PCDHGA12: variants seen among roughly 807,000 people sequenced by gnomAD.
PCDHGA12 encodes protocadherin gamma subfamily A, 12, also known as protocadherin gamma-A12.
A neutral mutation model predicts 61.1 loss-of-function variants in PCDHGA12; 43 were observed. That is an observed-to-expected ratio of 0.70 (90% CI 0.55 to 0.91). PCDHGA12 has a LOEUF of 0.91. Ranked by LOEUF, PCDHGA12 falls within the 40% of genes least tolerant of loss-of-function variation. The probability of loss-of-function intolerance (pLI) is 0.00; values close to 1 mark genes in which losing one functional copy is unlikely to be tolerated. For synonymous variants in PCDHGA12, 520 were observed against 542.9 expected (o/e 0.96, Z 0.59); for missense variants, 1,236 against 1,227.7 (o/e 1.01, Z -0.10).
In PCDHGA12 at chr5:141,511,330, T is replaced by C; in HGVS notation, c.*157T>C. 1 of 1,455,994 alleles carries C rather than the reference T, an allele frequency of 6.9e-7. No homozygotes were observed. The highest frequency in any genetic ancestry group is 9.1e-7 in the Non-Finnish European group (1 of 1,093,254). 90.2% of individuals were successfully genotyped at this position (1,455,994 alleles called of 1,614,324 possible). ...TTGGGAAACAGAAACAAGTGCCCAG[T>C]CAGCACCTACCCCTTCCCCCCCAGG... On this transcript the variant is annotated 3_prime_UTR_variant, in exon 4 of 4. Coordinates refer to ENST00000252085, the MANE Select transcript of PCDHGA12 (RefSeq NM_003735.3).
Position 141,430,613 on chromosome 5 carries a change from A to T in PCDHGA12, c.-147A>T. The T allele has an allele frequency of 1.5e-6, 1 of 679,628 alleles. No homozygotes were observed. Among genetic ancestry groups the T allele is most frequent in the Admixed American group, 3.0e-5 (1 of 33,164 alleles). The allele number at this position is 679,628 out of a possible 1,614,324, so 42.1% of individuals were successfully genotyped here. A position where few individuals can be genotyped will look rare whatever the true frequency, so the allele number is the denominator to read the frequency against. The stretch of plus-strand genomic sequence containing the variant: ...TGCACGCGCCTGAAGCACAAAGCAG[A>T]TAGCTAGGAATGAACCATCCCTGGG... On this transcript the variant is annotated 5_prime_UTR_variant, in exon 1 of 4. Transcript: ENST00000252085.
chr5:141,501,441 A>G (rs547792017), intron 2 of PCDHGA12, among the ~76,000 whole-genome samples: 1 of 151,898 alleles, frequency 6.6e-6, no homozygotes, highest in African/African-American at 2.4e-5. Context: ...CATTTCTTCC[A>G]TTTTTACTTT....
At position 141,485,939 on chromosome 5, in the gene PCDHGA12, C is replaced by A; in HGVS notation, c.2425-8868C>A. ...CAGGATTAGTGTGTTGGAGAGCGCA[C>A]CAGCGGGCATGGTGCTCATCCAGCT... On this transcript the variant is annotated intron_variant, in intron 1 of 3. Transcript: ENST00000252085. This position sits in a 1 kb window ranked among gnomAD's most constrained non-coding sequence, Gnocchi z 5.7. 1 of 1,614,140 alleles carries A rather than the reference C, an allele frequency of 6.2e-7. No homozygotes were observed. The highest frequency in any genetic ancestry group is 8.5e-7 in the Non-Finnish European group (1 of 1,180,030).
In PCDHGA12 at chr5:141,486,610, C is replaced by G; in HGVS notation, c.2425-8197C>G. 6.2e-7 allele frequency: 1 copy of G among 1,613,620 alleles called. No homozygotes were observed. The highest frequency in any genetic ancestry group is 8.5e-7 in the Non-Finnish European group (1 of 1,180,038). On this transcript the variant is annotated intron_variant, in intron 1 of 3. Coordinates refer to ENST00000252085, the MANE Select transcript of PCDHGA12 (RefSeq NM_003735.3). This position sits in a 1 kb window ranked among gnomAD's most constrained non-coding sequence, Gnocchi z 5.0. ...GGGACCTGCTTTGCTCCCTTGCAGC[C>G]TCTGACCCAGACTCTGGCTTGAATG...
chr5:141,472,335 A>T (rs1033984936), intron 1 of PCDHGA12, among the ~76,000 whole-genome samples: 38 of 151,784 alleles, frequency 2.5e-4, no homozygotes, highest in Non-Finnish European at 2.5e-4. Context: ...AGGTTGGGAG[A>T]TCGAGACCAT....
intron 1 of PCDHGA12, among the ~76,000 whole-genome samples, chr5:141,480,875 T>C (rs1285607270): frequency 6.6e-6 from 1 of 152,062 alleles, no homozygotes; most frequent in African/African-American, 2.4e-5. Context: ...TGAAACCCCG[T>C]CTCTACTAAA....
intron 1 of PCDHGA12, chr5:141,440,587 A>G (rs566819394): frequency 1.3e-5 from 2 of 152,392 alleles, no homozygotes; most frequent in East Asian, 3.9e-4. Flanking sequence ...CCCAGCTGGA[A>G]CAAGATTTGC....
chr5:141,509,864 A>G (rs2099878667), intron 3 of PCDHGA12, among the ~76,000 whole-genome samples: 1 of 152,262 alleles, frequency 6.6e-6, no homozygotes, highest in East Asian at 1.9e-4. Context: ...GATAAGGTCC[A>G]AGCTGCTGGT....
At chr5:141,458,058 C>T (rs997664641) in intron 1 of PCDHGA12, among the ~76,000 whole-genome samples, 3 of 152,196 alleles carry the variant, frequency 2.0e-5, no homozygotes, top group Non-Finnish European at 4.4e-5. Context: ...TCTTGCTGCA[C>T]TGATGCGAAC....
chr5:141,490,942 C>A lies in PCDHGA12; in HGVS notation c.2425-3865C>A, dbSNP rs371286343. On this transcript the variant is annotated intron_variant, in intron 1 of 3. Coordinates refer to ENST00000252085, the MANE Select transcript of PCDHGA12 (RefSeq NM_003735.3). This position sits in a 1 kb window ranked among gnomAD's most constrained non-coding sequence, Gnocchi z 5.4. ...TAATGCCCCAGCTGTGCTGCACCCA[C>A]GGCCAGACTGGGAACACTCAGCCCC... The A allele has an allele frequency of 3.0e-5, 49 of 1,613,526 alleles. No individual in the cohort carries two copies. The highest frequency in any genetic ancestry group is 4.1e-5 in the Non-Finnish European group (48 of 1,179,768).
In PCDHGA12 at chr5:141,433,199, A is replaced by G. The variant is rs2097574804; in HGVS notation, c.2424+16A>G. ...GTTAATTGAGGTGAGTTTATATCAA[A>G]TCTTCTTTCTTTTTTTTTTTTAATT... On this transcript the variant is annotated intron_variant, in intron 1 of 3. Transcript: ENST00000252085. 1 of 1,579,570 alleles carries G rather than the reference A, an allele frequency of 6.3e-7. No individual in the cohort carries two copies. Among genetic ancestry groups the G allele is most frequent in the Non-Finnish European group, 8.6e-7 (1 of 1,166,978 alleles).
At chr5:141,470,862 G>T (rs1363111218) in intron 1 of PCDHGA12, among the ~76,000 whole-genome samples, 1 of 151,596 alleles carries the variant, frequency 6.6e-6, no homozygotes, top group Non-Finnish European at 1.5e-5. Context: ...TAAGTTTTTT[G>T]TTTGTTTGTT....
intron 1 of PCDHGA12, chr5:141,484,865 G>A (rs1431313212): frequency 3.6e-6 from 1 of 278,548 alleles, no homozygotes; most frequent in Non-Finnish European, 6.7e-6. Flanking sequence ...GGGTGGGGGA[G>A]CGTGGAGGAT....
At chr5:141,435,383 G>C (rs1057246190) in intron 1 of PCDHGA12, among the ~76,000 whole-genome samples, 4 of 151,898 alleles carry the variant, frequency 2.6e-5, no homozygotes, top group Admixed American at 2.0e-4. Flanking sequence ...ACAATATACC[G>C]TATTGCCATG....
At chr5:141,445,070 A>G (rs185808898) in intron 1 of PCDHGA12, among the ~76,000 whole-genome samples, 30 of 152,306 alleles carry the variant, frequency 2.0e-4, no homozygotes, top group African/African-American at 7.2e-4. Context: ...TATATTTCTC[A>G]TTAAATTGTC....
intron 1 of PCDHGA12, among the ~76,000 whole-genome samples, chr5:141,475,620 G>A (rs2154572702): frequency 6.6e-6 from 1 of 152,238 alleles, no homozygotes; most frequent in Admixed American, 6.5e-5. Flanking sequence ...TTTTCGGTTT[G>A]GTTCGATCCC....
chr5:141,473,377 C>T (rs2099320819), intron 1 of PCDHGA12, among the ~76,000 whole-genome samples: 1 of 152,202 alleles, frequency 6.6e-6, no homozygotes, highest in Admixed American at 6.5e-5. Flanking sequence ...TAGCATGGTC[C>T]CTGCCCTCCT....
chr5:141,500,499 G>T lies in PCDHGA12; in HGVS notation c.2484-4894G>T, dbSNP rs531501031. On this transcript the variant is annotated intron_variant, in intron 2 of 3. Transcript: ENST00000252085. ...GCTGGGATTACAGGCGTGAGCCACC[G>T]CGCCTGGCCGAGCTTCATTTTAAAA... Among the ~76,000 whole-genome samples, 24 of 152,088 alleles carry T rather than the reference G, an allele frequency of 1.6e-4. 1 individual carries two copies. In the Middle Eastern group the frequency reaches 0.01, roughly 65 times the overall value.
chr5:141,493,908 G>A lies in PCDHGA12; in HGVS notation c.2425-899G>A, dbSNP rs1308946115. ...CTAGGAGTGCTCCATGAGAGTGTGT[G>A]ATGGGATAACACACCCCCTGGAAAG... On this transcript the variant is annotated intron_variant, in intron 1 of 3. Transcript: ENST00000252085. This position sits in a 1 kb window ranked among gnomAD's most constrained non-coding sequence, Gnocchi z 4.3. Among the ~76,000 whole-genome samples the A allele has an allele frequency of 6.6e-6, 1 of 152,208 alleles. No homozygotes were observed. The highest frequency in any genetic ancestry group is 1.5e-5 in the Non-Finnish European group (1 of 68,032).
Sources: allele counts gnomAD v4.1 joint callset (sites outside exome capture counted in the v4.1 genomes callset), GRCh38; gene constraint gnomAD v4.1.1; non-coding constraint Gnocchi (gnomAD v3.1); transcripts MANE v1.5; gene names NCBI Gene and HGNC (gene_info 2026-07-23, HGNC 2026-07-21).